The following FLCN variants were observed in gnomAD, a reference collection of about 807,000 sequenced individuals.
FLCN encodes the protein BHD skin lesion fibrofolliculoma protein.
Under a neutral mutation model 62.5 loss-of-function variants are expected in FLCN, and 22 were observed. That is an observed-to-expected ratio of 0.35 (90% CI 0.25 to 0.50). FLCN has a LOEUF of 0.50. Ranked by LOEUF, FLCN falls within the 20% of genes least tolerant of loss-of-function variation. FLCN has a pLI of 0.97. For missense variants in FLCN, 657 were observed against 778.0 expected (o/e 0.84, Z 1.85); for synonymous variants, 319 against 310.0 (o/e 1.03, Z -0.30).
rs757688846 is a variant in FLCN, at chr17:17,221,493, C to T, written c.871+44G>A. 2.5e-5 allele frequency: 40 copies of T among 1,613,942 alleles called. No homozygotes were observed. The highest frequency in any genetic ancestry group is 1.8e-4 in the South Asian group (16 of 91,078). On this transcript the variant is annotated intron_variant, in intron 8 of 13. Coordinates refer to ENST00000285071, the MANE Select transcript of FLCN (RefSeq NM_144997.7). The stretch of plus-strand genomic sequence containing the variant: ...AGAGCAGACAGCTGGTACCGCCCCA[C>T]GGCCATCCGGGCCAAGGCCCCGGCA...
At chr17:17,227,763 G>T in intron 4 of FLCN, 126 bp downstream of exon 4, 2 of 1,339,210 alleles carry the variant, frequency 1.5e-6, no homozygotes, top group Non-Finnish European at 2.1e-6. Flanking sequence ...TGAGCGGAAA[G>T]AACTGAAGGG....
At chr17:17,224,226 T>G (rs1229872164) in intron 5 of FLCN, 83 bp from the exon 6 acceptor site, 2 of 1,296,702 alleles carry the variant, frequency 1.5e-6, no homozygotes, top group Non-Finnish European at 2.2e-6. Flanking sequence ...CTTTTCAGAG[T>G]CAGCTGGCAC....
rs1060504592 is a variant in FLCN at position 17,217,188 on chromosome 17, C to T, written c.1063-6G>A. 4 of 1,590,422 alleles carry T rather than the reference C, an allele frequency of 2.5e-6. No individual in the cohort carries two copies. Among genetic ancestry groups the T allele is most frequent in the African/African-American group, 2.7e-5 (2 of 74,488 alleles). Reference sequence around the variant, plus strand: ...AAAGAAGGGGCACCCAGGACCTAAACAAGAGAGTGCAGTGCTTTCAGCGTG... The same window carrying T: ...AAAGAAGGGGCACCCAGGACCTAAATAAGAGAGTGCAGTGCTTTCAGCGTG... On this transcript the variant is annotated splice_region_variant and splice_polypyrimidine_tract_variant and intron_variant, in intron 9 of 13. Transcript: ENST00000285071.
chr17:17,224,171 C>T (rs1297530164), intron 5 of FLCN, 28 bp from the exon 6 acceptor site: 2 of 1,549,376 alleles, frequency 1.3e-6, no homozygotes, highest in East Asian at 2.4e-5. Flanking sequence ...ACTCAGACAG[C>T]CCTTTCCTCG....
At chr17:17,228,202 T>G in intron 3 of FLCN, 41 bp from the exon 4 acceptor site, 2 of 1,585,204 alleles carry the variant, frequency 1.3e-6, no homozygotes, top group Non-Finnish European at 1.7e-6. Context: ...CAATGCCTAT[T>G]GACTCCATGA....
rs1388452217 is a variant in FLCN, at chr17:17,215,008, G to A, written c.1515C>T (p.Val505=). The A allele has an allele frequency of 6.2e-7, 1 of 1,614,188 alleles. No individual in the cohort carries two copies. Among genetic ancestry groups the A allele is most frequent in the Non-Finnish European group, 8.5e-7 (1 of 1,180,036 alleles). Residue 505 remains valine, a synonymous_variant, in exon 13 of 14, where the codon GTC becomes GTT. Coordinates refer to ENST00000285071, the MANE Select transcript of FLCN (RefSeq NM_144997.7). ...LSVDVVDQCL[V]CLKEEWMNKV... ...ACTTCATCCACTCCTCCTTGAGGCA[G>A]ACGAGGCACTGGTCCACCACATCCA...
At position 17,221,642 on chromosome 17, in the gene FLCN, C is replaced by A; in HGVS notation, c.780-14G>T. ...GCCTTCAGGAGCCTGGAGAACACAG[C>A]ACCAGCTATGAGCGTTCTCGCCAAA... On this transcript the variant is annotated splice_polypyrimidine_tract_variant and intron_variant, in intron 7 of 13. Transcript: ENST00000285071. 6.2e-7 allele frequency: 1 copy of A among 1,605,340 alleles called. No homozygotes were observed.
rs370464300 is a variant in FLCN at position 17,215,336 on chromosome 17, G to A, written c.1301-20C>T. On this transcript the variant is annotated intron_variant, in intron 11 of 13. Transcript: ENST00000285071. Reference sequence around the variant, plus strand: ...CAAACTCTGTAACAACACAAGGCCCGTGGCTCCTCATCTCCCCCATGCTCC... The same window carrying A: ...CAAACTCTGTAACAACACAAGGCCCATGGCTCCTCATCTCCCCCATGCTCC... The A allele has an allele frequency of 1.1e-5, 18 of 1,613,502 alleles. No individual in the cohort carries two copies. Among genetic ancestry groups the A allele is most frequent in the Admixed American group, 8.3e-5 (5 of 60,018 alleles).
rs746507528 is a variant in FLCN at position 17,227,969 on chromosome 17, G to A, written c.169C>T (p.Arg57Trp). Reference sequence around the variant, plus strand: ...TCTGCGGGGCTGTGCGCACGCATCCGACTGTTCATCTGAATGCCACCTTCC... The same window carrying A: ...TCTGCGGGGCTGTGCGCACGCATCCAACTGTTCATCTGAATGCCACCTTCC... ...EEEGGIQMNSRMRAHSPAEGA... is the reference protein window; with the variant it reads ...EEEGGIQMNSWMRAHSPAEGA... The change falls in exon 4 of 14, where the codon CGG becomes TGG. Residue 57 changes from arginine to tryptophan, a missense_variant. Transcript: ENST00000285071. The A allele has an allele frequency of 2.0e-5, 33 of 1,614,044 alleles. No individual in the cohort carries two copies. The highest frequency in any genetic ancestry group is 2.5e-5 in the Non-Finnish European group (30 of 1,180,056).
rs1374041586 is a variant in FLCN, at chr17:17,216,924, C to T, written c.1176+145G>A. ...CATCATCAGACCAGACCCGGGTCTC[C>T]GTGCCCACTGCGCCCCCAGTGGAGA... On this transcript the variant is annotated intron_variant, in intron 10 of 13. Coordinates refer to ENST00000285071, the MANE Select transcript of FLCN (RefSeq NM_144997.7). This position sits in a 1 kb window ranked among gnomAD's most constrained non-coding sequence, Gnocchi z 4.0. The T allele has an allele frequency of 7.0e-6, 5 of 711,584 alleles. No homozygotes were observed. Among genetic ancestry groups the T allele is most frequent in the Middle Eastern group, 3.6e-4 (1 of 2,760 alleles). 44.1% of individuals were successfully genotyped at this position (711,584 alleles called of 1,614,324 possible). A position where few individuals can be genotyped will look rare whatever the true frequency, so the allele number is the denominator to read the frequency against.
chr17:17,215,026 C>T lies in FLCN; in HGVS notation c.1497G>A (p.Val499=). 1.2e-6 allele frequency: 2 copies of T among 1,614,196 alleles called. No homozygotes were observed. Among genetic ancestry groups the T allele is most frequent in the South Asian group, 1.1e-5 (1 of 91,084 alleles). ...TGAGGCAGACGAGGCACTGGTCCACCACATCCACAGACAGGTTCTGGTTGG... is the reference window on the plus strand; with the variant it reads ...TGAGGCAGACGAGGCACTGGTCCACTACATCCACAGACAGGTTCTGGTTGG... The part of the protein sequence containing the change: ...ALTNQNLSVD[V]VDQCLVCLKE... Residue 499 remains valine, a synonymous_variant, in exon 13 of 14, where the codon GTG becomes GTA. Transcript: ENST00000285071.
rs2046933593 is a variant in FLCN at position 17,216,632 on chromosome 17, T to C, written c.1177-129A>G. Reference sequence around the variant, plus strand: ...CAAGCCCTCCCTCCTGCCAGAGGAGTCCCCAGACTCTCAGCCCACAGTGGG... The same window carrying C: ...CAAGCCCTCCCTCCTGCCAGAGGAGCCCCCAGACTCTCAGCCCACAGTGGG... On this transcript the variant is annotated intron_variant, in intron 10 of 13. Transcript: ENST00000285071. This position sits in a 1 kb window ranked among gnomAD's most constrained non-coding sequence, Gnocchi z 4.0. 2.8e-6 allele frequency: 4 copies of C among 1,426,422 alleles called. No homozygotes were observed. In the Admixed American group the frequency reaches 5.9e-5, roughly 21 times the overall value. 88.4% of individuals were successfully genotyped at this position (1,426,422 alleles called of 1,614,324 possible).
rs760690745 is a variant in FLCN at position 17,215,261 on chromosome 17, C to T, written c.1356G>A (p.Val452=). ...HAAARSTLHP[V]GCEDDQSLSK... is the part of the protein sequence containing the mutation. ...TGAGAGACTGGTCATCCTCACACCC[C>T]ACAGGGTGGAGGGTGGAACGTGCGG... Residue 452 remains valine, a synonymous_variant, in exon 12 of 14, where the codon GTG becomes GTA. Coordinates refer to ENST00000285071, the MANE Select transcript of FLCN (RefSeq NM_144997.7). 5.0e-6 allele frequency: 8 copies of T among 1,614,178 alleles called. No individual in the cohort carries two copies. Among genetic ancestry groups the T allele is most frequent in the Non-Finnish European group, 6.8e-6 (8 of 1,180,020 alleles).
chr17:17,225,795 C>T (rs746244504), intron 5 of FLCN: 6 of 337,474 alleles, frequency 1.8e-5, no homozygotes, highest in African/African-American at 6.4e-5. Flanking sequence ...GCGGGAGGAT[C>T]GCTTGAGCCC....
chr17:17,233,484 A>C (rs1306123280), intron 1 of FLCN, among the ~76,000 whole-genome samples: 1 of 150,534 alleles, frequency 6.6e-6, no homozygotes, highest in Non-Finnish European at 1.5e-5. Context: ...CTATAGTCCC[A>C]GCTACTCGGG....
intron 6 of FLCN, 97 bp from the exon 7 acceptor site, chr17:17,222,758 G>C: frequency 6.9e-7 from 1 of 1,447,006 alleles, no homozygotes; most frequent in Non-Finnish European, 9.6e-7. Context: ...CTGACTCCTG[G>C]AGGATCAGTC....
chr17:17,226,363 C>G, intron 4 of FLCN, 41 bp from the exon 5 acceptor site: 1 of 1,613,330 alleles, frequency 6.2e-7, no homozygotes, highest in Non-Finnish European at 8.5e-7. Flanking sequence ...AGTTGGGAAG[C>G]AGGGCGACAA....
intron 3 of FLCN, among the ~76,000 whole-genome samples, chr17:17,230,273 G>A (rs539393328): frequency 1.3e-5 from 2 of 152,312 alleles, no homozygotes; most frequent in South Asian, 4.1e-4. Context: ...CCATGAGCCT[G>A]TAATCCCAAC....
In FLCN at chr17:17,217,746, C is replaced by G. The variant is rs903199122; in HGVS notation, c.1063-564G>C. ...GTCCTTATTCTTTAACCTAGAACAG[C>G]CTCTCCCCACACCCCACCTGTTATT... On this transcript the variant is annotated intron_variant, in intron 9 of 13. Transcript: ENST00000285071. 6.3e-5 allele frequency: 12 copies of G among 190,098 alleles called. No individual in the cohort carries two copies. The Admixed American group carries it at 6.4e-4, about 10-fold the overall frequency. The allele number at this position is 190,098 out of a possible 1,614,324, so 11.8% of individuals were successfully genotyped here.
Sources: gnomAD v4.1 joint callset for allele counts (sites outside exome capture counted in the v4.1 genomes callset) on GRCh38, gnomAD v4.1.1 for gene constraint, Gnocchi (gnomAD v3.1) non-coding constraint, MANE v1.5 for transcripts, NCBI Gene and HGNC (gene_info 2026-07-23, HGNC 2026-07-21) for gene names.